Variants in KCNH8 observed in about 807,000 individuals in gnomAD.
KCNH8 encodes the protein voltage-gated delayed rectifier potassium channel KCNH8.
A neutral mutation model predicts 103.6 loss-of-function variants in KCNH8; 70 were observed. The ratio of observed to expected loss-of-function variants is 0.68; its 90% CI spans 0.56 to 0.82. The LOEUF is 0.82. Ranked by LOEUF, KCNH8 falls within the 40% of genes least tolerant of loss-of-function variation. The pLI, the probability that KCNH8 is intolerant of heterozygous loss-of-function variation, is 0.00. For synonymous variants in KCNH8, 498 were observed against 489.4 expected (o/e 1.02, Z -0.23); for missense variants, 1,217 against 1,329.9 (o/e 0.92, Z 1.32).
intron 5 of KCNH8, among the ~76,000 whole-genome samples, chr3:19,368,578 A>T (rs1376698044): frequency 6.6e-6 from 1 of 152,074 alleles, no homozygotes; most frequent in Non-Finnish European, 1.5e-5. Context: ...AAGGAAATTC[A>T]TGGCTGGAGT....
chr3:19,172,856 A>G (rs1225089250), intron 1 of KCNH8, among the ~76,000 whole-genome samples: 1 of 152,082 alleles, frequency 6.6e-6, no homozygotes, highest in Non-Finnish European at 1.5e-5. Flanking sequence ...TCTTGATTGT[A>G]CCATAAAGTT....
At chr3:19,465,910 A>C (rs964112205) in intron 11 of KCNH8, among the ~76,000 whole-genome samples, 1 of 152,110 alleles carries the variant, frequency 6.6e-6, no homozygotes, top group Admixed American at 6.6e-5. Context: ...ACTTTAACAT[A>C]TAAGAAGTTG....
rs148905975 is a variant in KCNH8 at position 19,253,665 on chromosome 3, A to G, written c.88A>G (p.Ile30Val). The stretch of plus-strand genomic sequence containing the variant: ...TTGTTTTTCTATAGATAGCAACTTC[A>G]TCCTTGCCAATGCCCAGGTGGCTAA... ...TRFDGTHSNFILANAQVAKGF... is the reference protein window; with the variant it reads ...TRFDGTHSNFVLANAQVAKGF... Residue 30 changes from isoleucine (I) to valine (V), a missense_variant, in exon 2 of 16, where the codon ATC becomes GTC. Physicochemically the swap from Ile to Val is conservative, Grantham distance 29 (BLOSUM62 3). Transcript: ENST00000328405. The G allele has an allele frequency of 1.2e-6, 2 of 1,612,704 alleles. No homozygotes were observed. Among genetic ancestry groups the G allele is most frequent in the Non-Finnish European group, 1.7e-6 (2 of 1,179,290 alleles).
chr3:19,488,218 T>C (rs545182057), intron 11 of KCNH8, among the ~76,000 whole-genome samples: 190 of 152,310 alleles, frequency 1.2e-3, no homozygotes, highest in Admixed American at 4.2e-3. Context: ...AATAGGAGCA[T>C]TGGTTACATT....
intron 3 of KCNH8, among the ~76,000 whole-genome samples, chr3:19,334,112 T>G (rs1398898747): frequency 2.0e-5 from 3 of 151,992 alleles, no homozygotes; most frequent in African/African-American, 7.2e-5. Context: ...GGCCCCTCAT[T>G]ACAGTCCCGT....
At chr3:19,433,040 C>T (rs1160107210) in intron 7 of KCNH8, among the ~76,000 whole-genome samples, 1 of 151,912 alleles carries the variant, frequency 6.6e-6, no homozygotes, top group Non-Finnish European at 1.5e-5. Context: ...CATGATGATG[C>T]CCTATTTTGG....
chr3:19,436,306 A>T (rs1400030474), intron 7 of KCNH8, among the ~76,000 whole-genome samples: 1 of 152,160 alleles, frequency 6.6e-6, no homozygotes, highest in Non-Finnish European at 1.5e-5. Flanking sequence ...TTGAGCAGAA[A>T]CAGGCTGTCC....
At chr3:19,267,514 GCATTTTTAAC>G (rs2064529279) in intron 2 of KCNH8, among the ~76,000 whole-genome samples, 1 of 152,138 alleles carries the variant, frequency 6.6e-6, no homozygotes, top group Middle Eastern at 3.4e-3. Flanking sequence ...ATCATAGAAA[GCATTTTTAAC>G]CATTTCTAGT....
At chr3:19,174,033 A>C (rs1470472193) in intron 1 of KCNH8, among the ~76,000 whole-genome samples, 1 of 150,488 alleles carries the variant, frequency 6.6e-6, no homozygotes, top group Non-Finnish European at 1.5e-5. Flanking sequence ...TTGCCTCTCC[A>C]GCTCACCACC....
intron 7 of KCNH8, among the ~76,000 whole-genome samples, chr3:19,405,315 A>G (rs1318358623): frequency 1.3e-5 from 2 of 152,012 alleles, no homozygotes; most frequent in East Asian, 3.9e-4. Flanking sequence ...TCACTACTGT[A>G]TAAGAAAATC....
At chr3:19,507,341 G>C (rs541761428) in intron 11 of KCNH8, among the ~76,000 whole-genome samples, 1 of 152,184 alleles carries the variant, frequency 6.6e-6, no homozygotes, top group African/African-American at 2.4e-5. Flanking sequence ...GCCAGTATCA[G>C]TGGGTGTGCT....
intron 3 of KCNH8, among the ~76,000 whole-genome samples, chr3:19,321,541 A>G (rs1332118135): frequency 6.6e-6 from 1 of 151,938 alleles, no homozygotes; most frequent in Non-Finnish European, 1.5e-5. Flanking sequence ...GTGGTCTGAG[A>G]CAGTACTTGA....
Position 19,226,200 on chromosome 3 carries a change from G to C in KCNH8, c.77-27454G>C, listed in dbSNP as rs139918303. 5.8e-4 allele frequency among the ~76,000 whole-genome samples: 89 copies of C among 152,286 alleles called. 1 individual carries two copies. The highest frequency in any genetic ancestry group is 2.0e-3 in the African/African-American group (85 of 41,564). On this transcript the variant is annotated intron_variant, in intron 1 of 15. Transcript: ENST00000328405. ...TGAGCAGTGCTTCAACTGCCAGCAG[G>C]ATTGGCAAAACAGCTTTAGGCAAAA... is the stretch of plus-strand genomic sequence containing the variant.
intron 11 of KCNH8, among the ~76,000 whole-genome samples, chr3:19,492,321 A>C (rs920409442): frequency 6.6e-6 from 1 of 152,256 alleles, no homozygotes; most frequent in South Asian, 2.1e-4. Flanking sequence ...TTATACTTCT[A>C]TCTTTCATCC....
intron 3 of KCNH8, among the ~76,000 whole-genome samples, chr3:19,293,585 A>G (rs1435605986): frequency 1.3e-5 from 2 of 152,142 alleles, no homozygotes; most frequent in Non-Finnish European, 2.9e-5. Flanking sequence ...CCTGTGACAT[A>G]TACATTTCTT....
At chr3:19,502,404 C>T (rs1298467036) in intron 11 of KCNH8, among the ~76,000 whole-genome samples, 4 of 150,968 alleles carry the variant, frequency 2.6e-5, no homozygotes, top group African/African-American at 9.7e-5. Context: ...ACTTTCTTCA[C>T]AGAATTGGAA....
chr3:19,148,666 C>T lies in KCNH8; in HGVS notation c.-54C>T, dbSNP rs2063099132. On this transcript the variant is annotated 5_prime_UTR_variant, in exon 1 of 16. Coordinates refer to ENST00000328405, the MANE Select transcript of KCNH8 (RefSeq NM_144633.3). ...TTCTCCCTTCTTGGCACTTTCCTTTCGAACCATCCTTCTGGACAAACTTTG... is the reference window on the plus strand; with the variant it reads ...TTCTCCCTTCTTGGCACTTTCCTTTTGAACCATCCTTCTGGACAAACTTTG... The T allele has an allele frequency of 1.1e-5, 17 of 1,564,538 alleles. No homozygotes were observed. Among genetic ancestry groups the T allele is most frequent in the Non-Finnish European group, 1.4e-5 (16 of 1,134,382 alleles).
At chr3:19,214,751 C>T (rs1287485197) in intron 1 of KCNH8, among the ~76,000 whole-genome samples, 1 of 152,196 alleles carries the variant, frequency 6.6e-6, no homozygotes. Context: ...GTACCAAGGA[C>T]ACAGTGCTAG....
intron 11 of KCNH8, among the ~76,000 whole-genome samples, chr3:19,484,615 T>C (rs1401035691): frequency 1.3e-5 from 2 of 152,090 alleles, no homozygotes; most frequent in African/African-American, 4.8e-5. Flanking sequence ...CTGTTGTGGA[T>C]CCAGGCTGGG....
Sources: allele counts gnomAD v4.1 joint callset (sites outside exome capture counted in the v4.1 genomes callset), GRCh38; gene constraint gnomAD v4.1.1; transcripts MANE v1.5; gene names NCBI Gene and HGNC (gene_info 2026-07-23, HGNC 2026-07-21).